Variants in KIF21A observed in about 807,000 individuals in gnomAD.
KIF21A encodes kinesin-like protein KIF21A.
KIF21A carries 114 observed loss-of-function variants against 202.9 expected under a neutral mutation model. The ratio of observed to expected loss-of-function variants is 0.56; its 90% CI spans 0.48 to 0.66. KIF21A has a LOEUF of 0.66. Among genes scored for constraint, KIF21A ranks in the 30% least tolerant of loss-of-function variants. The pLI is 0.00. For missense variants in KIF21A, 1,677 were observed against 1,994.9 expected (o/e 0.84, Z 3.04); for synonymous variants, 667 against 670.8 (o/e 0.99, Z 0.09).
At chr12:39,346,534 G>A (rs1313319388) in intron 11 of KIF21A, 30 bp from the exon 12 acceptor site, 2 of 1,412,776 alleles carry the variant, frequency 1.4e-6, no homozygotes, top group Admixed American at 5.2e-5. Flanking sequence ...AGTATTGGAA[G>A]GCCAAGCCAA....
rs992445544 is a variant in KIF21A, at chr12:39,392,693, T to C, written c.45-22432A>G. ...AGGAGGTAGTTGGTGCTCTTGTTGG[T>C]TGAGAGCATTTGCAGCACTGTGCAC... is the stretch of plus-strand genomic sequence containing the variant. On this transcript the variant is annotated intron_variant, in intron 1 of 37. Coordinates refer to ENST00000361418, the MANE Select transcript of KIF21A (RefSeq NM_001173464.2). Among the ~76,000 whole-genome samples the C allele has an allele frequency of 2.0e-5, 3 of 151,276 alleles. No individual in the cohort carries two copies. In the East Asian group the frequency reaches 5.8e-4, roughly 29 times the overall value.
chr12:39,309,545 A>T, intron 33 of KIF21A, 41 bp downstream of exon 33: 6 of 1,329,862 alleles, frequency 4.5e-6, no homozygotes, highest in Non-Finnish European at 6.3e-6. Context: ...AAAAAAGAAG[A>T]GCTATTCCTC....
intron 36 of KIF21A, 51 bp from the exon 37 acceptor site, chr12:39,301,730 C>T (rs777202346): frequency 4.2e-6 from 6 of 1,437,660 alleles, no homozygotes; most frequent in Non-Finnish European, 5.9e-6. Flanking sequence ...TCCAAACTGA[C>T]ATTTTCACAT....
chr12:39,420,455 C>A (rs1329112895), intron 1 of KIF21A, among the ~76,000 whole-genome samples: 4 of 152,038 alleles, frequency 2.6e-5, no homozygotes, highest in African/African-American at 9.7e-5. Flanking sequence ...TAAAGAACAT[C>A]AAGCAAAGAA....
intron 33 of KIF21A, among the ~76,000 whole-genome samples, chr12:39,308,971 T>C (rs1185274659): frequency 6.6e-6 from 1 of 152,182 alleles, no homozygotes; most frequent in African/African-American, 2.4e-5. Context: ...TTACGTCAAT[T>C]TTGATTATTA....
At chr12:39,429,040 T>C (rs1427390290) in intron 1 of KIF21A, among the ~76,000 whole-genome samples, 1 of 152,054 alleles carries the variant, frequency 6.6e-6, no homozygotes, top group African/African-American at 2.4e-5. Context: ...AAAGTATGTG[T>C]GTGTGTGATC....
intron 1 of KIF21A, among the ~76,000 whole-genome samples, chr12:39,422,019 G>T (rs187974762): frequency 6.6e-6 from 1 of 151,570 alleles, no homozygotes; most frequent in Admixed American, 6.6e-5. Context: ...ATGCAATGGC[G>T]CCATCATAGC....
intron 1 of KIF21A, among the ~76,000 whole-genome samples, chr12:39,388,399 ATCTC>A (rs1315502181): frequency 3.9e-5 from 6 of 152,090 alleles, no homozygotes; most frequent in Admixed American, 3.9e-4. Context: ...GACCAAATAA[ATCTC>A]TTTTCTTCAT....
intron 11 of KIF21A, among the ~76,000 whole-genome samples, chr12:39,349,122 T>C (rs972850930): frequency 3.7e-4 from 57 of 152,042 alleles, no homozygotes; most frequent in Non-Finnish European, 4.7e-4. Context: ...GGAAGGTCAG[T>C]AAGAACGAAT....
intron 1 of KIF21A, among the ~76,000 whole-genome samples, chr12:39,440,980 A>G (rs1036173243): frequency 6.6e-6 from 1 of 151,976 alleles, no homozygotes; most frequent in Non-Finnish European, 1.5e-5. Flanking sequence ...GCACCACGAC[A>G]CTCTAGCCTG....
intron 6 of KIF21A, among the ~76,000 whole-genome samples, chr12:39,365,967 T>C (rs1949574491): frequency 6.6e-6 from 1 of 152,204 alleles, no homozygotes; most frequent in Admixed American, 6.5e-5. Flanking sequence ...CGCACCACTG[T>C]ACTCCAGGAG....
chr12:39,320,932 CAAAAAAA>C (rs59613512), intron 27 of KIF21A, among the ~76,000 whole-genome samples: 41 of 16,140 alleles, frequency 2.5e-3, no homozygotes, highest in African/African-American at 4.6e-3. Flanking sequence ...AAGACTCTGC[CAAAAAAA>C]AAAAAAAAAA....
intron 11 of KIF21A, among the ~76,000 whole-genome samples, chr12:39,347,447 T>C (rs1194797228): frequency 1.3e-5 from 2 of 151,992 alleles, no homozygotes; most frequent in Non-Finnish European, 1.5e-5. Context: ...TGATTAAGCA[T>C]ATGGCAACTT....
At chr12:39,412,942 T>C (rs1421599547) in intron 1 of KIF21A, among the ~76,000 whole-genome samples, 1 of 152,184 alleles carries the variant, frequency 6.6e-6, no homozygotes, top group Non-Finnish European at 1.5e-5. Flanking sequence ...TCTCATGCAT[T>C]TGTGAAATTT....
intron 1 of KIF21A, among the ~76,000 whole-genome samples, chr12:39,377,511 A>G (rs1344166286): frequency 1.3e-5 from 2 of 152,132 alleles, no homozygotes; most frequent in African/African-American, 2.4e-5. Flanking sequence ...CTGTTCTAGA[A>G]AAGAGTTTCT....
At chr12:39,434,859 G>A (rs1296739572) in intron 1 of KIF21A, among the ~76,000 whole-genome samples, 1 of 152,130 alleles carries the variant, frequency 6.6e-6, no homozygotes. Flanking sequence ...CCCACTTGCT[G>A]AAAGATAAAA....
At chr12:39,416,620 C>T (rs1349655069) in intron 1 of KIF21A, among the ~76,000 whole-genome samples, 1 of 123,876 alleles carries the variant, frequency 8.1e-6, no homozygotes, top group South Asian at 2.8e-4. Context: ...TATATATGTA[C>T]ATATATATGT....
intron 31 of KIF21A, among the ~76,000 whole-genome samples, chr12:39,313,872 G>A (rs181641734): frequency 2.2e-4 from 33 of 151,850 alleles, no homozygotes; most frequent in Middle Eastern, 3.4e-3. Flanking sequence ...TTGAAAAATT[G>A]GAGCCTTTAC....
intron 26 of KIF21A, among the ~76,000 whole-genome samples, chr12:39,323,991 TC>T (rs1945574429): frequency 6.6e-6 from 1 of 151,876 alleles, no homozygotes; most frequent in Non-Finnish European, 1.5e-5. Context: ...GCGCCTGTTG[TC>T]CCAGCTACTC....
Sources: allele counts gnomAD v4.1 joint callset (sites outside exome capture counted in the v4.1 genomes callset), GRCh38; gene constraint gnomAD v4.1.1; transcripts MANE v1.5; gene names NCBI Gene and HGNC (gene_info 2026-07-23, HGNC 2026-07-21).